The following CTBP1 variants were observed in gnomAD, a reference collection of about 807,000 sequenced individuals.
CTBP1 encodes the protein C-terminal binding protein 1.
Under a neutral mutation model 42.1 loss-of-function variants are expected in CTBP1, and 11 were observed. The ratio of observed to expected loss-of-function variants is 0.26; its 90% CI spans 0.16 to 0.43. CTBP1 has a LOEUF of 0.43. Ranked by LOEUF, CTBP1 falls within the 20% of genes least tolerant of loss-of-function variation. The pLI is 1.00. For synonymous variants in CTBP1, 324 were observed against 277.1 expected, an observed-to-expected ratio of 1.17 and a Z score of -1.68; for missense variants, 399 against 624.3, an observed-to-expected ratio of 0.64 and a Z score of 3.85.
In CTBP1 at chr4:1,238,624, G is replaced by T. The variant is rs1000652196; in HGVS notation, c.8-287C>A. Reference sequence around the variant, plus strand: ...CAAGTCCCCTCCGAGACCCTCCAAGGCCCCTCCGAGATCCTCCCAGACCCT... The same window carrying T: ...CAAGTCCCCTCCGAGACCCTCCAAGTCCCCTCCGAGATCCTCCCAGACCCT... On this transcript the variant is annotated intron_variant, in intron 2 of 9. Transcript: ENST00000382952. This position sits in a 1 kb window ranked among gnomAD's most constrained non-coding sequence, Gnocchi z 5.9. 1.3e-5 allele frequency among the ~76,000 whole-genome samples: 2 copies of T among 148,258 alleles called. No individual in the cohort carries two copies. The highest frequency in any genetic ancestry group is 2.2e-4 in the South Asian group (1 of 4,524).
At chr4:1,246,174 C>A (rs908439649) in intron 1 of CTBP1, among the ~76,000 whole-genome samples, 18 of 152,166 alleles carry the variant, frequency 1.2e-4, no homozygotes, top group Admixed American at 1.2e-3. Flanking sequence ...GCTCCGGCCA[C>A]TGCAGCTGAC....
At chr4:1,241,984 A>G (rs1225923988) in intron 1 of CTBP1, 1 of 1,008,092 alleles carries the variant, frequency 9.9e-7, no homozygotes, top group Non-Finnish European at 1.2e-6. Context: ...GGAACTTCCC[A>G]GGAGCCACCG....
chr4:1,226,185 G>A (rs527724943), intron 4 of CTBP1, among the ~76,000 whole-genome samples: 2 of 152,156 alleles, frequency 1.3e-5, no homozygotes, highest in East Asian at 1.9e-4. Context: ...CCCCGCTCCC[G>A]GCCTTGTCCC....
Position 1,241,245 on chromosome 4 carries a change from C to T in CTBP1, c.7+80G>A, listed in dbSNP as rs760423899. ...GCAGCCCAGGTCCCTCGACTTGATC[C>T]GAGGCAGTGCCTCCTCCACACGGTC... On this transcript the variant is annotated intron_variant, in intron 2 of 9. Transcript: ENST00000382952. The T allele has an allele frequency of 8.8e-5, 69 of 780,994 alleles. 1 individual carries two copies. The highest frequency in any genetic ancestry group is 8.7e-4 in the South Asian group (65 of 74,616). 48.4% of individuals were successfully genotyped at this position (780,994 alleles called of 1,614,324 possible). A position where few individuals can be genotyped will look rare whatever the true frequency, so the allele number is the denominator to read the frequency against.
rs998215231 is a variant in CTBP1, at chr4:1,241,461, A to C, written c.-130T>G. The C allele has an allele frequency of 1.2e-6, 2 of 1,602,270 alleles. No homozygotes were observed. The highest frequency in any genetic ancestry group is 1.7e-5 in the Admixed American group (1 of 59,982). On this transcript the variant is annotated 5_prime_UTR_variant, in exon 2 of 10. Transcript: ENST00000382952. ...CACGTCCTTAATTGTCTCGAGCCAAAGTGCTCAGGCTTCTGATCCGCGGCA... is the reference window on the plus strand; with the variant it reads ...CACGTCCTTAATTGTCTCGAGCCAACGTGCTCAGGCTTCTGATCCGCGGCA...
intron 5 of CTBP1, chr4:1,216,504 T>C: frequency 5.4e-6 from 3 of 550,732 alleles, no homozygotes; most frequent in Non-Finnish European, 9.8e-6. Flanking sequence ...GGACGTGACA[T>C]GAACCACTCA....
chr4:1,243,117 G>A (rs1732351399), intron 1 of CTBP1: 1 of 985,458 alleles, frequency 1.0e-6, no homozygotes, highest in Non-Finnish European at 1.2e-6. Flanking sequence ...AGTACCGGCT[G>A]CTGCTCGTCA....
At chr4:1,215,662 A>G (rs1055977172) in intron 6 of CTBP1, 8 of 376,786 alleles carry the variant, frequency 2.1e-5, no homozygotes, top group Non-Finnish European at 3.4e-5. Context: ...GCAGCACGGA[A>G]GTCACAAGGG....
At chr4:1,232,174 G>A (rs1048656858) in intron 3 of CTBP1, among the ~76,000 whole-genome samples, 5 of 152,180 alleles carry the variant, frequency 3.3e-5, no homozygotes, top group African/African-American at 4.8e-5. Context: ...CTCTGGATAC[G>A]CTGGGATGAC....
At chr4:1,220,172 A>G (rs949992370) in intron 5 of CTBP1, among the ~76,000 whole-genome samples, 1 of 149,178 alleles carries the variant, frequency 6.7e-6, no homozygotes, top group Admixed American at 6.8e-5. Context: ...ACTGTACTCC[A>G]GCCTGGCAAG....
chr4:1,224,878 C>T (rs146427340), intron 5 of CTBP1, among the ~76,000 whole-genome samples: 2 of 151,440 alleles, frequency 1.3e-5, no homozygotes, highest in Non-Finnish European at 2.9e-5. Flanking sequence ...CTATGACATC[C>T]GTGCAGGCCA....
chr4:1,214,887 C>T (rs1054701107), intron 6 of CTBP1, among the ~76,000 whole-genome samples: 1 of 152,272 alleles, frequency 6.6e-6, no homozygotes, highest in Admixed American at 6.5e-5. Context: ...TGTTCTGAGG[C>T]GTGGTCTTTG....
chr4:1,243,003 T>G lies in CTBP1; in HGVS notation c.-188-1484A>C, dbSNP rs569400973. On this transcript the variant is annotated intron_variant, in intron 1 of 9. Transcript: ENST00000382952. ...GATACTCATCAATGCCAGCCAATAC[T>G]CATCAATACTGGCCAAACTCATTGA... 1.2e-4 allele frequency: 120 copies of G among 985,308 alleles called. No individual in the cohort carries two copies. In the South Asian group the frequency reaches 5.3e-3, roughly 43 times the overall value. 61.0% of individuals were successfully genotyped at this position (985,308 alleles called of 1,614,324 possible). A position where few individuals can be genotyped will look rare whatever the true frequency, so the allele number is the denominator to read the frequency against.
Position 1,214,346 on chromosome 4 carries a change from A to G in CTBP1, c.857T>C (p.Phe286Ser). The G allele has an allele frequency of 6.4e-7, 1 of 1,555,338 alleles. No individual in the cohort carries two copies. The highest frequency in any genetic ancestry group is 8.6e-7 in the Non-Finnish European group (1 of 1,157,816). Residue 286 changes from phenylalanine to serine, a missense_variant, in exon 7 of 10, where the codon TTC (phenylalanine) becomes TCC (serine). Around this residue, in one of 4 missense-constraint regions of CTBP1, gnomAD observed 309 missense variants for 497.5 expected, o/e 0.62. Transcript: ENST00000382952. ...AALDVHESEP[F>S]SFSQGPLKDA... is the part of the protein sequence containing the mutation. ...GCGGCACTGGCCGTGGGGGCACCTG[A>G]AGGGTTCCGACTCGTGCACATCCAG... is the stretch of plus-strand genomic sequence containing the variant.
chr4:1,218,728 T>A (rs1376573699), intron 5 of CTBP1: 1 of 152,336 alleles, frequency 6.6e-6, no homozygotes, highest in Admixed American at 6.5e-5. Context: ...CAGGTTATGC[T>A]GGGTGGCAGT....
In CTBP1 at chr4:1,238,319, A is replaced by G. The variant is rs1163045853; in HGVS notation, c.26T>C (p.Met9Thr). The change falls in exon 3 of 10, where the codon ATG (methionine) becomes ACG (threonine). Residue 9 changes from methionine (M) to threonine (T), a missense_variant. Physicochemically the swap from Met to Thr is moderately conservative, Grantham distance 81 (BLOSUM62 -1). Around this residue, in one of 4 missense-constraint regions of CTBP1, gnomAD observed 17 missense variants for 18.7 expected, o/e 0.91. Transcript: ENST00000382952. The surrounding 1 kb of genome is among the most constrained non-coding windows in gnomAD (Gnocchi z 5.9). MSGVRPPIMNGPLHPRPLV... is the reference protein window; with the variant it reads MSGVRPPITNGPLHPRPLV... Reference sequence around the variant, plus strand: ...GGGCCGCGGGTGCAGGGGCCCGTTCATGATCGGAGGTCGGACGCCTGCAAG... The same window carrying G: ...GGGCCGCGGGTGCAGGGGCCCGTTCGTGATCGGAGGTCGGACGCCTGCAAG... The G allele has an allele frequency of 1.9e-6, 3 of 1,579,612 alleles. No homozygotes were observed. In the South Asian group the frequency reaches 3.4e-5, roughly 18 times the overall value.
chr4:1,244,358 G>GGA (rs1732503874), intron 1 of CTBP1: 5 of 983,030 alleles, frequency 5.1e-6, no homozygotes, highest in Non-Finnish European at 4.8e-6. Context: ...GGGCACTGGG[G>GGA]GGGGGGTGTT....
In CTBP1 at chr4:1,241,912, T is replaced by C. The variant is rs951229297; in HGVS notation, c.-188-393A>G. On this transcript the variant is annotated intron_variant, in intron 1 of 9. Transcript: ENST00000382952. ...GAAACTGCGGAAAGGCTCTGCCTCC[T>C]GTTCTGGAAGCTTCTATCTCATGTC... 3.8e-6 allele frequency: 4 copies of C among 1,058,746 alleles called. No homozygotes were observed. The African/African-American group carries it at 5.0e-5, about 13-fold the overall frequency. The allele number at this position is 1,058,746 out of a possible 1,614,324, so 65.6% of individuals were successfully genotyped here. A position where few individuals can be genotyped will look rare whatever the true frequency, so the allele number is the denominator to read the frequency against.
At chr4:1,234,253 C>T (rs576183878) in intron 3 of CTBP1, among the ~76,000 whole-genome samples, 3 of 152,212 alleles carry the variant, frequency 2.0e-5, no homozygotes, top group African/African-American at 7.2e-5. Context: ...CTGCAATGTC[C>T]CTGTGTCTTT....
Sources: allele counts gnomAD v4.1 joint callset (sites outside exome capture counted in the v4.1 genomes callset), GRCh38; gene constraint gnomAD v4.1.1; regional missense constraint gnomAD v4.1.1; non-coding constraint Gnocchi (gnomAD v3.1); transcripts MANE v1.5; gene names NCBI Gene and HGNC (gene_info 2026-07-23, HGNC 2026-07-21).